Variants in SH3BGRL2 observed in about 807,000 individuals in gnomAD.
SH3BGRL2 encodes the protein SH3 domain-binding glutamic acid-rich-like protein 2.
SH3BGRL2 carries 21 observed loss-of-function variants against 14.8 expected under a neutral mutation model. The observed-to-expected ratio is 1.42, with a 90% confidence interval of 1.01 to 2.05. The LOEUF (loss-of-function observed/expected upper bound fraction) is 2.05, where lower values mean the gene tolerates loss of function less well. Ranked by LOEUF, SH3BGRL2 falls within the 30% of genes most tolerant of loss-of-function variation. The pLI, the probability that SH3BGRL2 is intolerant of heterozygous loss-of-function variation, is 0.00. For synonymous variants in SH3BGRL2, 50 were observed against 47.8 expected, an observed-to-expected ratio of 1.05 and a Z score of -0.19; for missense variants, 147 against 130.8, an observed-to-expected ratio of 1.12 and a Z score of -0.61.
At position 79,664,307 on chromosome 6, in the gene SH3BGRL2, T is replaced by C. The variant is rs951352482; in HGVS notation, c.46-9307T>C. Among the ~76,000 whole-genome samples, 4 of 152,314 alleles carry C rather than the reference T, an allele frequency of 2.6e-5. No homozygotes were observed. The South Asian group carries it at 6.2e-4, about 24-fold the overall frequency. On this transcript the variant is annotated intron_variant, in intron 1 of 3. Coordinates refer to ENST00000369838, the MANE Select transcript of SH3BGRL2 (RefSeq NM_031469.4). ...CTATTCACCCACCTTGGAACGGACTTGTGATTGGATTTAATGTTTAGCTCT... is the reference window on the plus strand; with the variant it reads ...CTATTCACCCACCTTGGAACGGACTCGTGATTGGATTTAATGTTTAGCTCT...
At chr6:79,596,250 C>T in the SH3BGRL2 span, among the ~76,000 whole-genome samples, 13 of 152,216 alleles carry the variant, frequency 8.5e-5, no homozygotes, top group Non-Finnish European at 1.8e-4. Flanking sequence ...CCTCGACTTG[C>T]TGGGCTCAAA....
chr6:79,595,974 A>C, the SH3BGRL2 span, among the ~76,000 whole-genome samples: 2 of 152,342 alleles, frequency 1.3e-5, no homozygotes, highest in Admixed American at 1.3e-4. Flanking sequence ...GAGTTCAGCT[A>C]GGTTGTAGGA....
the SH3BGRL2 span, among the ~76,000 whole-genome samples, chr6:79,611,932 G>A: frequency 6.6e-6 from 1 of 152,110 alleles, no homozygotes; most frequent in African/African-American, 2.4e-5. Flanking sequence ...TAAAGAGCCT[G>A]GTATAGGAAT....
At chr6:79,673,524 A>T in intron 1 of SH3BGRL2, 90 bp from the exon 2 acceptor site, 2 of 1,306,650 alleles carry the variant, frequency 1.5e-6, no homozygotes, top group Admixed American at 2.2e-5. Flanking sequence ...CTTTTTTTGT[A>T]TCAATGACAT....
At chr6:79,596,266 C>T in the SH3BGRL2 span, among the ~76,000 whole-genome samples, 5 of 151,860 alleles carry the variant, frequency 3.3e-5, no homozygotes, top group African/African-American at 9.7e-5. Flanking sequence ...TCAAACGATC[C>T]TCCCACCTCA....
chr6:79,674,737 T>C (rs1267334073), intron 2 of SH3BGRL2, among the ~76,000 whole-genome samples: 1 of 152,076 alleles, frequency 6.6e-6, no homozygotes, highest in Admixed American at 6.6e-5. Flanking sequence ...GTGTAGATTA[T>C]ACAGAGAATT....
intron 1 of SH3BGRL2, among the ~76,000 whole-genome samples, chr6:79,648,843 G>A (rs1170491883): frequency 6.6e-6 from 1 of 152,198 alleles, no homozygotes; most frequent in Non-Finnish European, 1.5e-5. Flanking sequence ...CATAAAGGCT[G>A]TGAGGGACAA....
At chr6:79,566,481 G>A in the SH3BGRL2 span, among the ~76,000 whole-genome samples, 367 of 152,148 alleles carry the variant, frequency 2.4e-3, no homozygotes, top group African/African-American at 8.5e-3. Context: ...TGTCCCAAAC[G>A]TAATAGGTCC....
chr6:79,594,317 A>T, the SH3BGRL2 span, among the ~76,000 whole-genome samples: 2 of 152,168 alleles, frequency 1.3e-5, no homozygotes, highest in Non-Finnish European at 2.9e-5. Context: ...TATGAGCAGG[A>T]GTTTTAAGCT....
the SH3BGRL2 span, among the ~76,000 whole-genome samples, chr6:79,538,241 T>C: frequency 3.3e-5 from 5 of 152,036 alleles, no homozygotes. Context: ...GTTCTCACTA[T>C]TGTTAATTTC....
the SH3BGRL2 span, among the ~76,000 whole-genome samples, chr6:79,544,969 A>C: frequency 1.4e-4 from 22 of 152,368 alleles, no homozygotes; most frequent in South Asian, 6.2e-4. Flanking sequence ...AAAACAGAAG[A>C]AGCTACAGAA....
At chr6:79,668,583 AG>A (rs1053683357) in intron 1 of SH3BGRL2, among the ~76,000 whole-genome samples, 6 of 152,140 alleles carry the variant, frequency 3.9e-5, no homozygotes, top group African/African-American at 1.4e-4. Flanking sequence ...AGTTTGCTTC[AG>A]AGCTCCTGAA....
chr6:79,603,615 G>A, the SH3BGRL2 span, among the ~76,000 whole-genome samples: 2 of 152,158 alleles, frequency 1.3e-5, no homozygotes, highest in African/African-American at 2.4e-5. Context: ...CTTGTGCAAC[G>A]TCACAGGATC....
chr6:79,673,924 A>C, intron 2 of SH3BGRL2, 125 bp downstream of exon 2: 1 of 959,524 alleles, frequency 1.0e-6, no homozygotes, highest in Non-Finnish European at 1.6e-6. Context: ...TCAGATCCAC[A>C]TGTCTAACAG....
chr6:79,568,767 T>C, the SH3BGRL2 span, among the ~76,000 whole-genome samples: 1 of 152,178 alleles, frequency 6.6e-6, no homozygotes, highest in African/African-American at 2.4e-5. Context: ...AGTAGGAATT[T>C]TATTGTGGTA....
chr6:79,544,075 G>A, the SH3BGRL2 span, among the ~76,000 whole-genome samples: 24 of 152,112 alleles, frequency 1.6e-4, no homozygotes, highest in African/African-American at 5.3e-4. Flanking sequence ...ATAGAATACA[G>A]TCATGGGTTC....
chr6:79,631,489 TC>T lies in SH3BGRL2; in HGVS notation c.30del (p.Ser11ArgfsTer6), dbSNP rs747477426. ...GGTCATCCGCGTGTTCATCGCCTCTTCCTCGGGCTTCGTGGCGGTGAGCGCG... is the reference window on the plus strand; with the variant it reads ...GGTCATCCGCGTGTTCATCGCCTCTTCTCGGGCTTCGTGGCGGTGAGCGCG... MVIRVFIAS[S>X]SGFVAIKKKQ... On this transcript the variant is annotated frameshift_variant, in exon 1 of 4. Transcript: ENST00000369838. LOFTEE classifies it high-confidence loss of function. 9.4e-6 allele frequency: 14 copies of T among 1,492,424 alleles called. No homozygotes were observed. The East Asian group carries it at 3.8e-4, about 41-fold the overall frequency. The allele number at this position is 1,492,424 out of a possible 1,614,324, so 92.4% of individuals were successfully genotyped here.
the SH3BGRL2 span, among the ~76,000 whole-genome samples, chr6:79,556,639 A>T: frequency 6.6e-6 from 1 of 151,984 alleles, no homozygotes; most frequent in African/African-American, 2.4e-5. Context: ...CAGTAGTTCC[A>T]CTTTTAGAAT....
intron 1 of SH3BGRL2, among the ~76,000 whole-genome samples, chr6:79,669,474 G>C (rs1378176677): frequency 5.1e-5 from 5 of 97,342 alleles, no homozygotes; most frequent in Admixed American, 2.6e-4. Flanking sequence ...TTTTTTTTGA[G>C]ACAAAGTTTC....
Sources: allele counts gnomAD v4.1 joint callset (sites outside exome capture counted in the v4.1 genomes callset), GRCh38; gene constraint gnomAD v4.1.1; transcripts MANE v1.5; gene names NCBI Gene and HGNC (gene_info 2026-07-23, HGNC 2026-07-21).